The following TENM3 variants were observed in gnomAD, a reference collection of about 807,000 sequenced individuals.
TENM3 encodes the protein teneurin transmembrane protein 3.
TENM3 carries 63 observed loss-of-function variants against 255.1 expected under a neutral mutation model. That is an observed-to-expected ratio of 0.25 (90% CI 0.20 to 0.30). The LOEUF is 0.30. Among genes scored for constraint, TENM3 ranks in the 10% least tolerant of loss-of-function variants. TENM3 has a pLI of 1.00. For synonymous variants in TENM3, 1,306 were observed against 1,322.3 expected, an observed-to-expected ratio of 0.99 and a Z score of 0.27; for missense variants, 2,929 against 3,461.1, an observed-to-expected ratio of 0.85 and a Z score of 3.86.
chr4:181,459,622 G>T, the TENM3 span, among the ~76,000 whole-genome samples: 28 of 151,862 alleles, frequency 1.8e-4, no homozygotes, highest in African/African-American at 6.3e-4. Flanking sequence ...GATTATCTGG[G>T]ATCAGGAATT....
chr4:181,554,443 G>A, the TENM3 span, among the ~76,000 whole-genome samples: 2 of 152,184 alleles, frequency 1.3e-5, no homozygotes, highest in Non-Finnish European at 2.9e-5. Context: ...TTGATGATGA[G>A]CAGAATAATT....
At chr4:182,597,498 C>T (rs1458457990) in intron 3 of TENM3, among the ~76,000 whole-genome samples, 4 of 152,160 alleles carry the variant, frequency 2.6e-5, no homozygotes, top group African/African-American at 4.8e-5. Flanking sequence ...TTTTCATAAG[C>T]AACCTTTCGA....
chr4:181,956,460 A>G, the TENM3 span, among the ~76,000 whole-genome samples: 3 of 152,326 alleles, frequency 2.0e-5, no homozygotes, highest in East Asian at 5.8e-4. Flanking sequence ...CCATGAGGGC[A>G]GGTGTTTTTC....
intron 1 of TENM3, among the ~76,000 whole-genome samples, chr4:182,296,864 A>C (rs1019326263): frequency 6.6e-6 from 1 of 152,192 alleles, no homozygotes; most frequent in African/African-American, 2.4e-5. Context: ...TTTCTGGGCA[A>C]TATTTCTTCA....
chr4:182,045,152 T>C, the TENM3 span, among the ~76,000 whole-genome samples: 1 of 152,176 alleles, frequency 6.6e-6, no homozygotes, highest in Non-Finnish European at 1.5e-5. Flanking sequence ...TTCACTCTAC[T>C]TCTTAGTCCT....
At chr4:181,895,532 ATTTTTTTTT>A in the TENM3 span, among the ~76,000 whole-genome samples, 1 of 41,488 alleles carries the variant, frequency 2.4e-5, no homozygotes, top group Non-Finnish European at 4.2e-5. Context: ...TATCTGGCTG[ATTTTTTTTT>A]TTTTTTTTTT....
intron 1 of TENM3, among the ~76,000 whole-genome samples, chr4:182,197,808 G>C (rs2149813147): frequency 6.6e-6 from 1 of 152,308 alleles, no homozygotes; most frequent in East Asian, 1.9e-4. Context: ...TCAGCAAAGA[G>C]ATAAAGATCT....
intron 3 of TENM3, among the ~76,000 whole-genome samples, chr4:182,558,703 T>C: frequency 6.6e-6 from 1 of 152,194 alleles, no homozygotes; most frequent in East Asian, 1.9e-4. Flanking sequence ...CATTAAAGTA[T>C]TTCTCCTAAT....
the TENM3 span, among the ~76,000 whole-genome samples, chr4:181,797,816 G>A: frequency 4.6e-5 from 7 of 152,264 alleles, no homozygotes; most frequent in East Asian, 5.8e-4. Context: ...CAACCTTAAC[G>A]TCGCCTTGAC....
intron 6 of TENM3, among the ~76,000 whole-genome samples, chr4:182,666,411 A>G (rs1754684663): frequency 6.6e-6 from 1 of 152,182 alleles, no homozygotes; most frequent in South Asian, 2.1e-4. Flanking sequence ...CAATGTGGCA[A>G]ACTTAATTAT....
chr4:181,498,622 C>G, the TENM3 span, among the ~76,000 whole-genome samples: 1 of 152,154 alleles, frequency 6.6e-6, no homozygotes, highest in East Asian at 1.9e-4. Context: ...GTTGCTCCAG[C>G]GTTTAGAGTC....
the TENM3 span, among the ~76,000 whole-genome samples, chr4:181,919,209 G>A: frequency 6.6e-6 from 1 of 152,104 alleles, no homozygotes; most frequent in Admixed American, 6.6e-5. Flanking sequence ...GGACTTAAGG[G>A]TAGCCACCCA....
At chr4:181,956,107 C>T in the TENM3 span, among the ~76,000 whole-genome samples, 5 of 152,240 alleles carry the variant, frequency 3.3e-5, no homozygotes, top group South Asian at 1.0e-3. Context: ...CTAGACAGTG[C>T]CTTCTCTCCG....
the TENM3 span, among the ~76,000 whole-genome samples, chr4:181,863,265 T>A: frequency 2.6e-3 from 389 of 152,314 alleles, 9 homozygotes; most frequent in African/African-American, 9.1e-3. Context: ...ACATTCATAC[T>A]TCTTCAAAGA....
At position 182,560,095 on chromosome 4, in the gene TENM3, T is replaced by A. The variant is rs78599306; in HGVS notation, c.512-40829T>A. On this transcript the variant is annotated intron_variant, in intron 3 of 27. Transcript: ENST00000511685. ...TTAAAAAAAGGTTTTTTTTTTTTTT[T>A]AAAAAAAGAGTAACTATCCCCACAA... 9.8e-3 allele frequency among the ~76,000 whole-genome samples: 1,470 copies of A among 149,338 alleles called. 16 individuals are homozygous for A. Among genetic ancestry groups the A allele is most frequent in the African/African-American group, 0.025 (1,035 of 40,676 alleles).
At chr4:181,604,206 A>G in the TENM3 span, among the ~76,000 whole-genome samples, 2 of 152,198 alleles carry the variant, frequency 1.3e-5, no homozygotes, top group Non-Finnish European at 1.5e-5. Context: ...CGGAGCTTGC[A>G]GTGAGCCGAG....
the TENM3 span, among the ~76,000 whole-genome samples, chr4:181,687,003 C>T: frequency 2.0e-5 from 3 of 152,050 alleles, no homozygotes; most frequent in African/African-American, 7.2e-5. Context: ...TTCTGCTTTA[C>T]CATCTAACTG....
the TENM3 span, among the ~76,000 whole-genome samples, chr4:181,550,737 T>C: frequency 6.6e-6 from 1 of 152,190 alleles, no homozygotes; most frequent in African/African-American, 2.4e-5. Context: ...AGAATTTCTC[T>C]AAGCAGTATT....
intron 12 of TENM3, among the ~76,000 whole-genome samples, chr4:182,689,891 T>C (rs752799080): frequency 6.6e-6 from 1 of 152,234 alleles, no homozygotes; most frequent in African/African-American, 2.4e-5. Context: ...TTAGTGTTAA[T>C]GTATGTTTTG....
Sources: gnomAD v4.1 joint callset for allele counts (sites outside exome capture counted in the v4.1 genomes callset) on GRCh38, gnomAD v4.1.1 for gene constraint, MANE v1.5 for transcripts, NCBI Gene and HGNC (gene_info 2026-07-23, HGNC 2026-07-21) for gene names.